SND1: variants seen among roughly 807,000 people sequenced by gnomAD.
SND1 encodes the protein staphylococcal nuclease and tudor domain containing 1, also known as staphylococcal nuclease domain-containing protein 1.
Under a neutral mutation model 121.7 loss-of-function variants are expected in SND1, and 38 were observed. The observed-to-expected ratio is 0.31, with a 90% CI of 0.24 to 0.41. The LOEUF is 0.41. Among genes scored for constraint, SND1 ranks in the 10% least tolerant of loss-of-function variants. The pLI, the probability that SND1 is intolerant of heterozygous loss-of-function variation, is 1.00. For synonymous variants in SND1, 401 were observed against 447.4 expected, an observed-to-expected ratio of 0.90 and a Z score of 1.31; for missense variants, 868 against 1,184.6, an observed-to-expected ratio of 0.73 and a Z score of 3.92.
chr7:127,723,444 A>G (rs949607505), intron 10 of SND1, among the ~76,000 whole-genome samples: 1 of 152,068 alleles, frequency 6.6e-6, no homozygotes, highest in African/African-American at 2.4e-5. Context: ...ATTTTAAGAC[A>G]GTTCTAAGTA....
intron 15 of SND1, among the ~76,000 whole-genome samples, chr7:127,981,171 C>T (rs1169392986): frequency 6.6e-6 from 1 of 152,114 alleles, no homozygotes; most frequent in Non-Finnish European, 1.5e-5. Context: ...ATTCAGAACA[C>T]TGCAGCTCTA....
chr7:127,987,200 C>T (rs1802411719), intron 15 of SND1, among the ~76,000 whole-genome samples: 1 of 152,240 alleles, frequency 6.6e-6, no homozygotes, highest in Non-Finnish European at 1.5e-5. Flanking sequence ...CTTGGGAGCG[C>T]TCCATTGCTG....
At chr7:127,973,476 TAGGAAGGGCACTAGG>T (rs1802046917) in intron 15 of SND1, among the ~76,000 whole-genome samples, 1 of 151,684 alleles carries the variant, frequency 6.6e-6, no homozygotes, top group East Asian at 1.9e-4. Flanking sequence ...TGAGAAGAGG[TAGGAAGGGCACTAGG>T]AGGAAGGGCA....
Position 127,836,430 on chromosome 7 carries a change from G to A in SND1, c.1243-7894G>A, listed in dbSNP as rs370393849. Reference sequence around the variant, plus strand: ...GCACCTAATTACAATGATTTGGAAGGGGGTGTTAGAGAATACATCTGGGCT... The same window carrying A: ...GCACCTAATTACAATGATTTGGAAGAGGGTGTTAGAGAATACATCTGGGCT... On this transcript the variant is annotated intron_variant, in intron 11 of 23. Coordinates refer to ENST00000354725, the MANE Select transcript of SND1 (RefSeq NM_014390.4). 1.6e-4 allele frequency among the ~76,000 whole-genome samples: 24 copies of A among 152,270 alleles called. No individual in the cohort carries two copies. In the East Asian group the frequency reaches 4.6e-3, roughly 29 times the overall value.
At chr7:127,674,737 T>G (rs1176407885) in intron 1 of SND1, among the ~76,000 whole-genome samples, 1 of 152,256 alleles carries the variant, frequency 6.6e-6, no homozygotes, top group East Asian at 1.9e-4. Flanking sequence ...TTTTAGGCAT[T>G]TTTTTCTTTG....
At chr7:128,003,089 G>C (rs1802877084) in intron 16 of SND1, among the ~76,000 whole-genome samples, 1 of 152,130 alleles carries the variant, frequency 6.6e-6, no homozygotes, top group East Asian at 1.9e-4. Context: ...TGGTGTGATG[G>C]CACATCCCTG....
chr7:127,852,003 C>T (rs1799172552), intron 12 of SND1, among the ~76,000 whole-genome samples: 1 of 151,364 alleles, frequency 6.6e-6, no homozygotes, highest in African/African-American at 2.4e-5. Flanking sequence ...ATTAAAAATG[C>T]AAAAAAATTA....
intron 10 of SND1, among the ~76,000 whole-genome samples, chr7:127,764,944 A>C (rs1797385474): frequency 6.6e-6 from 1 of 152,202 alleles, no homozygotes; most frequent in Admixed American, 6.5e-5. Flanking sequence ...GAACTATTGC[A>C]GATGGTTTCC....
chr7:127,782,042 T>C (rs1349072365), intron 10 of SND1, among the ~76,000 whole-genome samples: 1 of 152,232 alleles, frequency 6.6e-6, no homozygotes, highest in Non-Finnish European at 1.5e-5. Flanking sequence ...CTGTAATATC[T>C]GATCCTAGTT....
chr7:127,797,476 C>T (rs1204248812), intron 10 of SND1, among the ~76,000 whole-genome samples: 1 of 152,216 alleles, frequency 6.6e-6, no homozygotes, highest in East Asian at 1.9e-4. Flanking sequence ...TGGCTGAGTC[C>T]TCACTGTTCC....
Position 128,015,263 on chromosome 7 carries a change from C to G in SND1, c.1779+24207C>G, listed in dbSNP as rs1010894202. 6.6e-6 allele frequency among the ~76,000 whole-genome samples: 1 copy of G among 152,220 alleles called. No homozygotes were observed. Among genetic ancestry groups the G allele is most frequent in the African/African-American group, 2.4e-5 (1 of 41,444 alleles). On this transcript the variant is annotated intron_variant, in intron 16 of 23. Transcript: ENST00000354725. The surrounding 1 kb of genome is among the most constrained non-coding windows in gnomAD (Gnocchi z 4.5). Reference sequence around the variant, plus strand: ...GGTCAACGTGGGGCTAAAATGAAGACCGCTCTTAGTTCATGTTCTGGCATA... The same window carrying G: ...GGTCAACGTGGGGCTAAAATGAAGAGCGCTCTTAGTTCATGTTCTGGCATA...
intron 16 of SND1, among the ~76,000 whole-genome samples, chr7:128,021,401 CTG>C (rs1429524364): frequency 1.3e-5 from 2 of 152,204 alleles, no homozygotes; most frequent in African/African-American, 4.8e-5. Flanking sequence ...GGAACTGCCT[CTG>C]TGGAGAGCTG....
intron 12 of SND1, among the ~76,000 whole-genome samples, chr7:127,854,392 T>C (rs964896551): frequency 1.6e-4 from 25 of 152,126 alleles, no homozygotes; most frequent in Admixed American, 5.9e-4. Context: ...CCTCCCAAAG[T>C]GCTGGGATTA....
intron 12 of SND1, among the ~76,000 whole-genome samples, chr7:127,850,403 A>G (rs2116659121): frequency 6.6e-6 from 1 of 152,310 alleles, no homozygotes; most frequent in East Asian, 1.9e-4. Context: ...CATCTTACCC[A>G]GAGAGGCCCA....
intron 16 of SND1, among the ~76,000 whole-genome samples, chr7:128,057,843 T>C (rs1793168258): frequency 1.3e-5 from 2 of 152,208 alleles, no homozygotes; most frequent in South Asian, 4.1e-4. Flanking sequence ...AACTTCAGTG[T>C]GTGTTGAGGG....
intron 7 of SND1, among the ~76,000 whole-genome samples, chr7:127,704,184 T>C (rs961654050): frequency 2.0e-5 from 3 of 152,218 alleles, no homozygotes; most frequent in Non-Finnish European, 4.4e-5. Flanking sequence ...CACCTGAAAT[T>C]GAATGGATTT....
chr7:127,937,113 G>C (rs545491791), intron 15 of SND1, among the ~76,000 whole-genome samples: 2 of 152,268 alleles, frequency 1.3e-5, no homozygotes, highest in South Asian at 4.1e-4. Context: ...CCTTATATCA[G>C]ATATTTGGAG....
chr7:128,024,064 CTGTG>C lies in SND1; in HGVS notation c.1779+33024_1779+33027del, dbSNP rs3837141. Among the ~76,000 whole-genome samples, 9 of 148,852 alleles carry C rather than the reference CTGTG, an allele frequency of 6.0e-5. 1 individual carries two copies. The highest frequency in any genetic ancestry group is 2.0e-4 in the East Asian group (1 of 5,084). On this transcript the variant is annotated intron_variant, in intron 16 of 23. Transcript: ENST00000354725. ...TGCTTGTAAGCACTATGCTATATTG[CTGTG>C]TGTGTGTGTGTGTGTATTTCACTGA... is the stretch of plus-strand genomic sequence containing the variant.
In SND1 at chr7:127,707,568, A is replaced by T. The variant is rs1796222563; in HGVS notation, c.959A>T (p.Glu320Val). Residue 320 changes from glutamate (E) to valine (V), a missense_variant, in exon 9 of 24, where the codon GAG becomes GTG. Glu to Val is a moderately radical substitution (Grantham distance 121, BLOSUM62 -2). Coordinates refer to ENST00000354725, the MANE Select transcript of SND1 (RefSeq NM_014390.4). ...TGCTTTGTTGCCAGGTTTGCCAAAG[A>T]GCGCAGGCTGAGAATATGGAGAGAC... ...KLRAAERFAK[E>V]RRLRIWRDYV... 1.9e-6 allele frequency: 3 copies of T among 1,614,124 alleles called. No individual in the cohort carries two copies. In the South Asian group the frequency reaches 3.3e-5, roughly 18 times the overall value.
Sources: allele counts gnomAD v4.1 joint callset (sites outside exome capture counted in the v4.1 genomes callset), GRCh38; gene constraint gnomAD v4.1.1; non-coding constraint Gnocchi (gnomAD v3.1); transcripts MANE v1.5; gene names NCBI Gene and HGNC (gene_info 2026-07-23, HGNC 2026-07-21).